The following CFAP61 variants were observed in gnomAD, a reference collection of about 807,000 sequenced individuals.
CFAP61 encodes the protein cilia- and flagella-associated protein 61.
A neutral mutation model predicts 135.6 loss-of-function variants in CFAP61; 107 were observed. That is an observed-to-expected ratio of 0.79 (90% confidence interval 0.67 to 0.93). CFAP61 has a LOEUF of 0.93. Ranked by LOEUF, CFAP61 falls within the 40% of genes least tolerant of loss-of-function variation. The probability of loss-of-function intolerance (pLI) is 0.00; values close to 1 mark genes in which losing one functional copy is unlikely to be tolerated. For synonymous variants in CFAP61, 575 were observed against 578.5 expected, an observed-to-expected ratio of 0.99 and a Z score of 0.09; for missense variants, 1,507 against 1,556.2, an observed-to-expected ratio of 0.97 and a Z score of 0.53.
At chr20:20,190,899 C>A (rs1375851009) in intron 14 of CFAP61, among the ~76,000 whole-genome samples, 4 of 151,992 alleles carry the variant, frequency 2.6e-5, no homozygotes, top group Non-Finnish European at 2.9e-5. Context: ...CAGGTGGATT[C>A]CTTGAGGCCA....
intron 21 of CFAP61, among the ~76,000 whole-genome samples, chr20:20,269,418 C>T (rs940264745): frequency 6.6e-6 from 1 of 151,970 alleles, no homozygotes; most frequent in African/African-American, 2.4e-5. Flanking sequence ...GCCATCCAGG[C>T]TGGAGTGCAG....
intron 20 of CFAP61, among the ~76,000 whole-genome samples, chr20:20,257,030 T>C (rs2051667015): frequency 6.6e-6 from 1 of 152,014 alleles, no homozygotes; most frequent in South Asian, 2.1e-4. Flanking sequence ...CAGGAAAAAA[T>C]TGAACAAACT....
At chr20:20,326,120 G>A (rs6075644) in intron 25 of CFAP61, among the ~76,000 whole-genome samples, 43,981 of 151,998 alleles carry the variant, frequency 0.29, 6,705 homozygotes, top group South Asian at 0.41. Context: ...CTATCTCTAT[G>A]TCTTCTTTGG....
At chr20:20,215,187 G>A (rs1258192150) in intron 17 of CFAP61, 1 of 152,182 alleles carries the variant, frequency 6.6e-6, no homozygotes, top group Non-Finnish European at 1.5e-5. Flanking sequence ...TCTCCGTCCA[G>A]GCTTGGCTTC....
At chr20:20,244,222 A>G (rs2050253039) in intron 18 of CFAP61, among the ~76,000 whole-genome samples, 1 of 152,076 alleles carries the variant, frequency 6.6e-6, no homozygotes, top group Middle Eastern at 3.4e-3. Flanking sequence ...TCACAGCTCC[A>G]CTAGAAGTGC....
chr20:20,246,248 C>G (rs531809173), intron 19 of CFAP61, 33 bp downstream of exon 19: 2 of 1,235,184 alleles, frequency 1.6e-6, no homozygotes, highest in East Asian at 4.6e-5. Flanking sequence ...CATTCTGAGG[C>G]CTAAATGTCC....
At chr20:20,280,952 T>G (rs996261415) in intron 22 of CFAP61, among the ~76,000 whole-genome samples, 1 of 152,210 alleles carries the variant, frequency 6.6e-6, no homozygotes, top group African/African-American at 2.4e-5. Context: ...AATTTGTGCT[T>G]TCCTGACAAT....
intron 9 of CFAP61, among the ~76,000 whole-genome samples, chr20:20,146,741 T>C (rs554406126): frequency 1.3e-5 from 2 of 152,366 alleles, no homozygotes; most frequent in East Asian, 1.9e-4. Context: ...AGTTGTACAA[T>C]GTCAGATGAA....
intron 6 of CFAP61, among the ~76,000 whole-genome samples, chr20:20,083,734 C>T (rs756642994): frequency 2.0e-5 from 3 of 152,154 alleles, no homozygotes; most frequent in Non-Finnish European, 4.4e-5. Context: ...CAACAATCTT[C>T]ATGAATAAGA....
intron 8 of CFAP61, among the ~76,000 whole-genome samples, chr20:20,125,258 G>T (rs892474082): frequency 6.6e-6 from 1 of 151,388 alleles, no homozygotes; most frequent in South Asian, 2.1e-4. Flanking sequence ...TCTTCTGCTG[G>T]GTTTGGGTTT....
At chr20:20,296,381 TCCC>T (rs1367781741) in intron 24 of CFAP61, among the ~76,000 whole-genome samples, 7 of 99,584 alleles carry the variant, frequency 7.0e-5, no homozygotes, top group Non-Finnish European at 1.5e-4. Context: ...CCTCCTTCCC[TCCC>T]TCCCTCCTTC....
Position 20,209,934 on chromosome 20 carries a change from C to A in CFAP61, c.1932+10032C>A, listed in dbSNP as rs111562566. Among the ~76,000 whole-genome samples, 1,374 of 152,204 alleles carry A rather than the reference C, an allele frequency of 9.0e-3. 22 individuals are homozygous for A. The highest frequency in any genetic ancestry group is 0.031 in the African/African-American group (1,306 of 41,518). On this transcript the variant is annotated intron_variant, in intron 17 of 26. Transcript: ENST00000245957. ...CCCCTTGTCCTGGCATCCAGGCCCCCGCAGCCCTCACTGCTTGCTGCAGAA... is the reference window on the plus strand; with the variant it reads ...CCCCTTGTCCTGGCATCCAGGCCCCAGCAGCCCTCACTGCTTGCTGCAGAA...
chr20:20,333,564 T>C (rs1007442011), intron 25 of CFAP61, among the ~76,000 whole-genome samples: 1 of 152,236 alleles, frequency 6.6e-6, no homozygotes, highest in African/African-American at 2.4e-5. Context: ...CCCATATGTG[T>C]GGCTTCCCAC....
rs2053837757 is a variant in CFAP61 at position 20,166,428 on chromosome 20, C to T, written c.1237C>T (p.Leu413Phe). ...SLDFMNFVFSLFSDKNFCVIS... is the reference protein window; with the variant it reads ...SLDFMNFVFSFFSDKNFCVIS... ...GGATTTTATGAATTTTGTTTTCAGT[C>T]TTTTTTCTGTAAGTACATGCTGAAT... Residue 413 changes from leucine to phenylalanine, a missense_variant, in exon 12 of 27, where the codon CTT becomes TTT. Transcript: ENST00000245957. 1 of 1,613,106 alleles carries T rather than the reference C, an allele frequency of 6.2e-7. No individual in the cohort carries two copies. Among genetic ancestry groups the T allele is most frequent in the Non-Finnish European group, 8.5e-7 (1 of 1,179,268 alleles).
intron 2 of CFAP61, chr20:20,069,934 T>C: frequency 7.4e-6 from 2 of 269,846 alleles, no homozygotes; most frequent in South Asian, 3.7e-5. Flanking sequence ...TTTGAGTGAA[T>C]GTTTAACTAT....
chr20:20,203,602 C>T (rs1269202683), intron 17 of CFAP61, among the ~76,000 whole-genome samples: 2 of 152,128 alleles, frequency 1.3e-5, no homozygotes, highest in Non-Finnish European at 2.9e-5. Flanking sequence ...TCCATCCCCT[C>T]AAGTATTTAT....
chr20:20,112,147 A>G (rs547853267), intron 8 of CFAP61, among the ~76,000 whole-genome samples: 34 of 152,300 alleles, frequency 2.2e-4, no homozygotes, highest in African/African-American at 7.2e-4. Flanking sequence ...AGTTCACTAT[A>G]AAAATAGCAA....
intron 18 of CFAP61, among the ~76,000 whole-genome samples, chr20:20,242,638 G>T (rs1244843209): frequency 6.6e-6 from 1 of 152,136 alleles, no homozygotes; most frequent in African/African-American, 2.4e-5. Context: ...CAGAAAAACC[G>T]GTCTCTTCCC....
At chr20:20,205,471 A>G (rs1041960634) in intron 17 of CFAP61, among the ~76,000 whole-genome samples, 1 of 152,254 alleles carries the variant, frequency 6.6e-6, no homozygotes, top group Non-Finnish European at 1.5e-5. Context: ...AGGCTGAAGT[A>G]CTAATATGAC....
Sources: gnomAD v4.1 joint callset for allele counts (sites outside exome capture counted in the v4.1 genomes callset) on GRCh38, gnomAD v4.1.1 for gene constraint, MANE v1.5 for transcripts, NCBI Gene and HGNC (gene_info 2026-07-23, HGNC 2026-07-21) for gene names.